Variants in SCAI observed in about 807,000 individuals in gnomAD.
SCAI encodes the protein protein SCAI.
Under a neutral mutation model 92.2 loss-of-function variants are expected in SCAI, and 24 were observed. The ratio of observed to expected loss-of-function variants is 0.26; its 90% CI spans 0.19 to 0.37. The LOEUF is 0.37. Ranked by LOEUF, SCAI falls within the 10% of genes least tolerant of loss-of-function variation. SCAI has a pLI of 1.00. For synonymous variants in SCAI, 261 were observed against 258.6 expected, an observed-to-expected ratio of 1.01 and a Z score of -0.09; for missense variants, 450 against 736.2, an observed-to-expected ratio of 0.61 and a Z score of 4.50.
chr9:125,079,529 C>T (rs13283161), intron 2 of SCAI, among the ~76,000 whole-genome samples: 8,262 of 152,166 alleles, frequency 0.054, 341 homozygotes, highest in Non-Finnish European at 0.076. Context: ...TAGTTAAATG[C>T]TATACTGCCT....
chr9:125,013,645 T>C lies in SCAI; in HGVS notation c.861+5154A>G, dbSNP rs949641193. 4.0e-5 allele frequency among the ~76,000 whole-genome samples: 6 copies of C among 151,830 alleles called. No individual in the cohort carries two copies. The East Asian group carries it at 5.8e-4, about 15-fold the overall frequency. ...TTCCTTCTGAAACTATTCCAATCAA[T>C]AGAAAAAGAGGGAATCCTCCCTAAC... On this transcript the variant is annotated intron_variant, in intron 9 of 17. Coordinates refer to ENST00000336505, the MANE Select transcript of SCAI (RefSeq NM_001144877.3).
chr9:125,018,499 G>A (rs114809481), intron 9 of SCAI, among the ~76,000 whole-genome samples: 1,897 of 152,184 alleles, frequency 0.012, 34 homozygotes, highest in African/African-American at 0.044. Context: ...TTTCTTCCTC[G>A]TCTTTTTCCT....
At chr9:125,054,379 A>G (rs1018522723) in intron 3 of SCAI, among the ~76,000 whole-genome samples, 1 of 152,220 alleles carries the variant, frequency 6.6e-6, no homozygotes, top group Non-Finnish European at 1.5e-5. Context: ...TGCTGTGAGC[A>G]GAAGTTTGCC....
At chr9:125,094,211 C>T (rs1834500287) in intron 2 of SCAI, among the ~76,000 whole-genome samples, 1 of 152,206 alleles carries the variant, frequency 6.6e-6, no homozygotes, top group South Asian at 2.1e-4. Context: ...CAATGGCTTA[C>T]AAGGTCTCAT....
chr9:125,030,623 C>T (rs918558199), intron 3 of SCAI, among the ~76,000 whole-genome samples: 10 of 152,242 alleles, frequency 6.6e-5, no homozygotes, highest in African/African-American at 2.4e-4. Context: ...CCTGCAATTG[C>T]GACTGAGTAG....
chr9:125,134,780 G>A (rs1251477513), intron 2 of SCAI, among the ~76,000 whole-genome samples: 3 of 152,166 alleles, frequency 2.0e-5, no homozygotes, highest in East Asian at 1.9e-4. Flanking sequence ...AGTTTCCAGC[G>A]ATTCTCCTGC....
chr9:124,979,650 A>G (rs1338120267), intron 14 of SCAI, among the ~76,000 whole-genome samples: 6 of 152,270 alleles, frequency 3.9e-5, no homozygotes, highest in African/African-American at 7.2e-5. Context: ...AGGGAGAGAT[A>G]GGAATTTAGT....
intron 2 of SCAI, among the ~76,000 whole-genome samples, chr9:125,130,607 G>A (rs1021032477): frequency 2.0e-5 from 3 of 151,782 alleles, no homozygotes; most frequent in South Asian, 2.1e-4. Flanking sequence ...TCTACCTCCC[G>A]GGTTGGAGCG....
intron 12 of SCAI, 83 bp downstream of exon 12, chr9:125,001,882 T>C: frequency 1.1e-6 from 1 of 935,290 alleles, no homozygotes; most frequent in Non-Finnish European, 1.7e-6. Flanking sequence ...GCTGAGATGG[T>C]CTGTGGGCTA....
chr9:124,992,624 T>C (rs1426907695), intron 14 of SCAI, among the ~76,000 whole-genome samples: 1 of 151,936 alleles, frequency 6.6e-6, no homozygotes, highest in Non-Finnish European at 1.5e-5. Flanking sequence ...CCCCAAGTGA[T>C]CCGCCCGCCT....
At chr9:124,991,876 CA>C (rs1832134633) in intron 14 of SCAI, among the ~76,000 whole-genome samples, 1 of 152,044 alleles carries the variant, frequency 6.6e-6, no homozygotes, top group African/African-American at 2.4e-5. Context: ...AAAAAACTTG[CA>C]AAGTGGTAGC....
intron 2 of SCAI, among the ~76,000 whole-genome samples, chr9:125,062,006 T>C (rs367546706): frequency 1.3e-5 from 2 of 152,084 alleles, no homozygotes; most frequent in Admixed American, 6.6e-5. Flanking sequence ...AAAATGTTAG[T>C]CTATTAATTG....
At chr9:125,096,696 C>G (rs1445824084) in intron 2 of SCAI, among the ~76,000 whole-genome samples, 1 of 152,230 alleles carries the variant, frequency 6.6e-6, no homozygotes, top group Non-Finnish European at 1.5e-5. Context: ...ATCTCAACTC[C>G]TGCTTCTGGG....
Position 125,036,233 on chromosome 9 carries a change from G to A in SCAI, c.231-6494C>T, listed in dbSNP as rs549719754. Among the ~76,000 whole-genome samples, 28 of 152,284 alleles carry A rather than the reference G, an allele frequency of 1.8e-4. No individual in the cohort carries two copies. In the South Asian group the frequency reaches 5.6e-3, roughly 30 times the overall value. ...AATTCAGAGGGTATGGTGGGGATTAGACAGTATGTGTGGATTACTTGAAAG... is the reference window on the plus strand; with the variant it reads ...AATTCAGAGGGTATGGTGGGGATTAAACAGTATGTGTGGATTACTTGAAAG... On this transcript the variant is annotated intron_variant, in intron 3 of 17. Coordinates refer to ENST00000336505, the MANE Select transcript of SCAI (RefSeq NM_001144877.3).
At position 125,103,774 on chromosome 9, in the gene SCAI, T is replaced by C. The variant is rs151172996; in HGVS notation, c.98+38859A>G. Reference sequence around the variant, plus strand: ...GGACTTCCTGAGTTTCACAAACTTATAGGATAATTTAAGGTTAACATTCAA... The same window carrying C: ...GGACTTCCTGAGTTTCACAAACTTACAGGATAATTTAAGGTTAACATTCAA... On this transcript the variant is annotated intron_variant, in intron 2 of 17. Coordinates refer to ENST00000336505, the MANE Select transcript of SCAI (RefSeq NM_001144877.3). Among the ~76,000 whole-genome samples the C allele has an allele frequency of 7.4e-3, 1,132 of 152,342 alleles. 6 individuals are homozygous for C. The highest frequency in any genetic ancestry group is 0.011 in the Non-Finnish European group (758 of 68,028).
At chr9:124,956,206 A>G (rs1831312911) in intron 17 of SCAI, among the ~76,000 whole-genome samples, 1 of 152,114 alleles carries the variant, frequency 6.6e-6, no homozygotes, top group South Asian at 2.1e-4. Flanking sequence ...TAGCTATGCA[A>G]GGTTGATTTA....
chr9:124,976,089 T>A (rs200582107), intron 15 of SCAI, 25 bp downstream of exon 15: 3 of 1,487,310 alleles, frequency 2.0e-6, no homozygotes, highest in African/African-American at 2.8e-5. Context: ...AACCTATGGC[T>A]ATACCAGGCA....
intron 3 of SCAI, among the ~76,000 whole-genome samples, chr9:125,031,371 C>T (rs572324868): frequency 3.0e-4 from 46 of 151,906 alleles, no homozygotes; most frequent in Non-Finnish European, 5.6e-4. Flanking sequence ...ATGCCATTCT[C>T]CTGCCTCAGC....
At chr9:125,049,343 A>C (rs753578669) in intron 3 of SCAI, among the ~76,000 whole-genome samples, 20 of 152,156 alleles carry the variant, frequency 1.3e-4, no homozygotes, top group Non-Finnish European at 2.6e-4. Flanking sequence ...TCTCAAATAC[A>C]TGTCTCGAGA....
Sources: gnomAD v4.1 joint callset for allele counts (sites outside exome capture counted in the v4.1 genomes callset) on GRCh38, gnomAD v4.1.1 for gene constraint, MANE v1.5 for transcripts, NCBI Gene and HGNC (gene_info 2026-07-23, HGNC 2026-07-21) for gene names.